NAALADL2: variants seen among roughly 807,000 people sequenced by gnomAD.
The protein encoded by NAALADL2 is inactive N-acetylated-alpha-linked acidic dipeptidase-like protein 2.
In NAALADL2, 76 loss-of-function variants were observed where a neutral mutation model predicts 87.2. The ratio of observed to expected loss-of-function variants is 0.87; its 90% CI spans 0.72 to 1.05. The LOEUF is 1.05. Among genes scored for constraint, NAALADL2 ranks in the 50% least tolerant of loss-of-function variants. The probability of loss-of-function intolerance (pLI) is 0.00; values close to 1 mark genes in which losing one functional copy is unlikely to be tolerated. For synonymous variants in NAALADL2, 354 were observed against 331.0 expected (o/e 1.07, Z -0.75); for missense variants, 1,089 against 945.8 (o/e 1.15, Z -1.99).
intron 1 of NAALADL2, among the ~76,000 whole-genome samples, chr3:174,528,771 G>A (rs1720986798): frequency 6.6e-6 from 1 of 152,156 alleles, no homozygotes; most frequent in Non-Finnish European, 1.5e-5. Flanking sequence ...GAGAGCTTGT[G>A]CAGAGAAACT....
chr3:175,043,362 G>A (rs376681848), intron 1 of NAALADL2, among the ~76,000 whole-genome samples: 251 of 151,870 alleles, frequency 1.7e-3, no homozygotes, highest in Non-Finnish European at 2.9e-3. Context: ...CCTCAGCCTC[G>A]TAAGTAGCTG....
chr3:174,738,464 T>C (rs1330833893), intron 3 of NAALADL2, among the ~76,000 whole-genome samples: 1 of 152,180 alleles, frequency 6.6e-6, no homozygotes, highest in Non-Finnish European at 1.5e-5. Context: ...CCAATTCCTA[T>C]GCCTTGGAGG....
At chr3:175,201,309 A>G (rs191652938) in intron 2 of NAALADL2, among the ~76,000 whole-genome samples, 6 of 152,262 alleles carry the variant, frequency 3.9e-5, no homozygotes, top group Non-Finnish European at 7.4e-5. Context: ...ATTAAATTCT[A>G]ATTGTATGTA....
At chr3:174,938,796 C>T (rs1738112842) in intron 1 of NAALADL2, among the ~76,000 whole-genome samples, 1 of 151,914 alleles carries the variant, frequency 6.6e-6, no homozygotes, top group Non-Finnish European at 1.5e-5. Flanking sequence ...TTTTTACATG[C>T]TTGTTGATCA....
chr3:175,418,142 A>G (rs1390135818), intron 5 of NAALADL2, among the ~76,000 whole-genome samples: 2 of 152,096 alleles, frequency 1.3e-5, no homozygotes, highest in Admixed American at 1.3e-4. Flanking sequence ...GAGAAAGGGG[A>G]TATTAGGTAT....
intron 11 of NAALADL2, among the ~76,000 whole-genome samples, chr3:175,636,690 T>G (rs919914855): frequency 8.2e-6 from 1 of 122,246 alleles, no homozygotes; most frequent in Non-Finnish European, 1.6e-5. Flanking sequence ...AGAGCAAGAC[T>G]CCATCTAAAA....
At chr3:174,582,001 T>G (rs1401159690) in intron 2 of NAALADL2, among the ~76,000 whole-genome samples, 2 of 152,226 alleles carry the variant, frequency 1.3e-5, no homozygotes, top group African/African-American at 4.8e-5. Flanking sequence ...TAGCACAATA[T>G]TCTATTGATT....
At chr3:175,777,998 C>T (rs1181716849) in intron 13 of NAALADL2, among the ~76,000 whole-genome samples, 2 of 152,172 alleles carry the variant, frequency 1.3e-5, no homozygotes, top group African/African-American at 4.8e-5. Flanking sequence ...CATACGCAGT[C>T]TGTGTGTCTG....
At chr3:174,800,662 T>C (rs9841418) in intron 3 of NAALADL2, among the ~76,000 whole-genome samples, 113,287 of 151,968 alleles carry the variant, frequency 0.75, 42,820 homozygotes, top group African/African-American at 0.88. Context: ...TTCCAGACCC[T>C]GGAATGCTAG....
At chr3:175,555,778 T>C (rs1715169978) in intron 9 of NAALADL2, among the ~76,000 whole-genome samples, 1 of 152,204 alleles carries the variant, frequency 6.6e-6, no homozygotes, top group Non-Finnish European at 1.5e-5. Context: ...TTAAAAATGA[T>C]AATTCTTAAT....
chr3:174,908,422 TAAAAAGGCTTTATAAGCCATC>T (rs1733249261), intron 1 of NAALADL2, among the ~76,000 whole-genome samples: 1 of 152,074 alleles, frequency 6.6e-6, no homozygotes, highest in Non-Finnish European at 1.5e-5. Context: ...CAGTGCTGTA[TAAAAAGGCTTTATAAGCCATC>T]AGTCAACGAT....
intron 11 of NAALADL2, among the ~76,000 whole-genome samples, chr3:175,725,200 A>G (rs114597715): frequency 2.5e-3 from 386 of 152,182 alleles, no homozygotes; most frequent in African/African-American, 8.5e-3. Context: ...TGCTTGTTAT[A>G]TGTTTCTTTA....
intron 13 of NAALADL2, among the ~76,000 whole-genome samples, chr3:175,781,629 GTGTT>G (rs1005605561): frequency 1.2e-4 from 18 of 146,182 alleles, no homozygotes; most frequent in African/African-American, 3.4e-4. Flanking sequence ...CTGGGCTAAT[GTGTT>G]TGTTTGTATT....
chr3:175,716,219 G>T, intron 11 of NAALADL2, among the ~76,000 whole-genome samples: 1 of 142,810 alleles, frequency 7.0e-6, no homozygotes, highest in Admixed American at 7.1e-5. Flanking sequence ...ACATATATAT[G>T]TATATAATAT....
At chr3:175,517,559 T>C (rs1254553399) in intron 9 of NAALADL2, among the ~76,000 whole-genome samples, 1 of 152,154 alleles carries the variant, frequency 6.6e-6, no homozygotes, top group African/African-American at 2.4e-5. Context: ...ATTTAAAGAT[T>C]ACTACAATTA....
intron 9 of NAALADL2, among the ~76,000 whole-genome samples, chr3:175,487,153 T>G: frequency 6.6e-6 from 1 of 152,038 alleles, no homozygotes; most frequent in East Asian, 1.9e-4. Context: ...TATCTACTAC[T>G]CTCCCCTTTG....
intron 1 of NAALADL2, among the ~76,000 whole-genome samples, chr3:174,511,141 A>G: frequency 6.6e-6 from 1 of 152,114 alleles, no homozygotes; most frequent in East Asian, 1.9e-4. Context: ...TTCCACATGG[A>G]CTTTATAAAT....
intron 1 of NAALADL2, among the ~76,000 whole-genome samples, chr3:174,532,788 C>G (rs1306801667): frequency 1.3e-5 from 2 of 151,976 alleles, no homozygotes; most frequent in African/African-American, 4.8e-5. Flanking sequence ...AAACTGTATC[C>G]CCTGTTGACT....
chr3:175,513,464 G>T (rs775823255), intron 9 of NAALADL2, among the ~76,000 whole-genome samples: 1 of 152,152 alleles, frequency 6.6e-6, no homozygotes, highest in Non-Finnish European at 1.5e-5. Context: ...CTGGTCTAGT[G>T]ATTAGCATAT....
Sources: gnomAD v4.1 joint callset for allele counts (sites outside exome capture counted in the v4.1 genomes callset) on GRCh38, gnomAD v4.1.1 for gene constraint, MANE v1.5 for transcripts, NCBI Gene and HGNC (gene_info 2026-07-23, HGNC 2026-07-21) for gene names.